Variants in SRI observed in about 807,000 individuals in gnomAD.
SRI encodes sorcin, also known as 22 kDa protein.
SRI carries 30 observed loss-of-function variants against 33.3 expected under a neutral mutation model. The observed-to-expected ratio is 0.90, with a 90% CI of 0.67 to 1.22. The LOEUF (loss-of-function observed/expected upper bound fraction) is 1.22. Ranked by LOEUF, SRI falls within the 50% of genes most tolerant of loss-of-function variation. SRI has a pLI of 0.00. For missense variants in SRI, 243 were observed against 250.8 expected (o/e 0.97, Z 0.21); for synonymous variants, 75 against 89.9 (o/e 0.83, Z 0.94).
chr7:88,211,319 G>T (rs907118771), intron 3 of SRI, among the ~76,000 whole-genome samples: 4 of 152,138 alleles, frequency 2.6e-5, no homozygotes, highest in Non-Finnish European at 5.9e-5. Flanking sequence ...GCCAGGCCTG[G>T]TGGCACACAC....
chr7:88,210,157 G>A (rs999343076), intron 4 of SRI, 27 bp from the exon 5 acceptor site: 2 of 1,613,162 alleles, frequency 1.2e-6, no homozygotes. Context: ...GATTAGAGCT[G>A]TATTTTGCGA....
chr7:88,210,001 T>G lies in SRI; in HGVS notation c.379A>C (p.Lys127Gln). The part of the protein sequence containing the change: ...SGTVDPQELQ[K>Q]ALTTMGFRLS... ...TACCTACCCATTGTTGTCAGGGCCT[T>G]CTGCAATTCTTGTGGGTCTACTGTT... The change falls in exon 5 of 8, where the codon AAG becomes CAG. Residue 127 changes from lysine to glutamine, a missense_variant. Transcript: ENST00000265729. 2.5e-6 allele frequency: 4 copies of G among 1,614,188 alleles called. No individual in the cohort carries two copies. Among genetic ancestry groups the G allele is most frequent in the Non-Finnish European group, 3.4e-6 (4 of 1,180,032 alleles).
intron 1 of SRI, 106 bp downstream of exon 1, chr7:88,219,870 G>A: frequency 1.4e-6 from 2 of 1,385,826 alleles, no homozygotes; most frequent in Non-Finnish European, 1.9e-6. Context: ...AAGGAGCCCG[G>A]GTAGCCGCCC....
At chr7:88,213,737 T>C (rs1428409200) in intron 3 of SRI, among the ~76,000 whole-genome samples, 1 of 152,238 alleles carries the variant, frequency 6.6e-6, no homozygotes, top group East Asian at 1.9e-4. Context: ...CGCAGGAAGC[T>C]GTAGAGCCCT....
intron 4 of SRI, 165 bp downstream of exon 4, chr7:88,210,717 T>C (rs1851555584): frequency 6.3e-6 from 4 of 630,436 alleles, no homozygotes; most frequent in South Asian, 4.2e-5. Flanking sequence ...ATTTCTTTTC[T>C]TCCTTTATTC....
intron 1 of SRI, among the ~76,000 whole-genome samples, chr7:88,226,293 T>C (rs1468748378): frequency 6.6e-6 from 1 of 152,196 alleles, no homozygotes; most frequent in African/African-American, 2.4e-5. Context: ...AGAGAAGCAG[T>C]CCTGGAGCCG....
At chr7:88,219,951 G>A in intron 1 of SRI, 25 bp downstream of exon 1, 2 of 1,538,284 alleles carry the variant, frequency 1.3e-6, no homozygotes, top group East Asian at 2.5e-5. Context: ...CGCCTGGGCC[G>A]CGATCCCGCG....
At chr7:88,220,795 C>A (rs1255073087), upstream of SRI, among the ~76,000 whole-genome samples, 1 of 152,160 alleles carries the variant, frequency 6.6e-6, no homozygotes, top group Admixed American at 6.5e-5. Flanking sequence ...CAAAACAATC[C>A]ATTTCCCTAA....
At chr7:88,216,108 G>T (rs1015339734) in intron 3 of SRI, among the ~76,000 whole-genome samples, 1 of 152,160 alleles carries the variant, frequency 6.6e-6, no homozygotes, top group Non-Finnish European at 1.5e-5. Flanking sequence ...CTCCTGAGTA[G>T]CTGGGACCAC....
At chr7:88,223,852 C>G (rs1458476131), upstream of SRI, among the ~76,000 whole-genome samples, 1 of 151,960 alleles carries the variant, frequency 6.6e-6, no homozygotes, top group Non-Finnish European at 1.5e-5. Flanking sequence ...GATTTGCTGA[C>G]TGTAAGATAA....
rs747574270 is a variant in SRI, at chr7:88,214,711, AATT to A, written c.205+2408_205+2410del. 4.5e-4 allele frequency: 163 copies of A among 363,642 alleles called. 3 individuals carry two copies. The highest frequency in any genetic ancestry group is 3.2e-4 in the Admixed American group (5 of 15,586). 22.5% of individuals were successfully genotyped at this position (363,642 alleles called of 1,614,324 possible). A position where few individuals can be genotyped will look rare whatever the true frequency, so the allele number is the denominator to read the frequency against. ...AATTATAACTATAAATTATAATTAA[AATT>A]ATTAATTCAACATTTTGAAATTATT... On this transcript the variant is annotated intron_variant, in intron 3 of 7. Coordinates refer to ENST00000265729, the MANE Select transcript of SRI (RefSeq NM_003130.4).
At chr7:88,225,159 G>A (rs532481144) in intron 1 of SRI, among the ~76,000 whole-genome samples, 2 of 152,294 alleles carry the variant, frequency 1.3e-5, no homozygotes, top group South Asian at 4.1e-4. Flanking sequence ...CTACAGAATA[G>A]ATTCTCACTG....
At chr7:88,223,414 C>T (rs1372456863), upstream of SRI, among the ~76,000 whole-genome samples, 1 of 152,146 alleles carries the variant, frequency 6.6e-6, no homozygotes, top group Non-Finnish European at 1.5e-5. Context: ...GTGCTCTACA[C>T]CCAGGGGCAG....
At chr7:88,222,514 C>T (rs576536620), upstream of SRI, among the ~76,000 whole-genome samples, 14 of 151,544 alleles carry the variant, frequency 9.2e-5, no homozygotes, top group East Asian at 3.9e-4. Flanking sequence ...TCATGTCCTT[C>T]GCCCACTTTT....
At chr7:88,212,711 A>G (rs1851608467) in intron 3 of SRI, among the ~76,000 whole-genome samples, 1 of 152,126 alleles carries the variant, frequency 6.6e-6, no homozygotes, top group African/African-American at 2.4e-5. Flanking sequence ...ATTTTAGCAG[A>G]TGTGCAGGTG....
chr7:88,226,109 C>T (rs1322066736), intron 1 of SRI, among the ~76,000 whole-genome samples: 1 of 152,112 alleles, frequency 6.6e-6, no homozygotes, highest in Admixed American at 6.5e-5. Flanking sequence ...GTGTTCAGCA[C>T]CAGTGTTCTC....
At position 88,206,160 on chromosome 7, in the gene SRI, C is replaced by A; in HGVS notation, c.*318G>T. 2.7e-6 allele frequency: 1 copy of A among 372,154 alleles called. No homozygotes were observed. Among genetic ancestry groups the A allele is most frequent in the Non-Finnish European group, 5.0e-6 (1 of 199,336 alleles). The allele number at this position is 372,154 out of a possible 1,614,324, so 23.1% of individuals were successfully genotyped here. Reference sequence around the variant, plus strand: ...CTGATTAACAGTTTTTAGTGTCTCACAATGAAAAATAAATAATGTGACTTA... The same window carrying A: ...CTGATTAACAGTTTTTAGTGTCTCAAAATGAAAAATAAATAATGTGACTTA... On this transcript the variant is annotated 3_prime_UTR_variant, in exon 8 of 8. Transcript: ENST00000265729.
intron 6 of SRI, chr7:88,208,930 TAA>T: frequency 3.4e-6 from 1 of 298,032 alleles, no homozygotes; most frequent in African/African-American, 2.2e-5. Flanking sequence ...AAGAAACAGA[TAA>T]AGAGTCCCCA....
chr7:88,216,315 G>A (rs550110811), intron 3 of SRI, among the ~76,000 whole-genome samples: 1 of 152,252 alleles, frequency 6.6e-6, no homozygotes, highest in East Asian at 1.9e-4. Context: ...ATTACTCTCA[G>A]CTCATGGCAG....
Sources: allele counts gnomAD v4.1 joint callset (sites outside exome capture counted in the v4.1 genomes callset), GRCh38; gene constraint gnomAD v4.1.1; transcripts MANE v1.5; gene names NCBI Gene and HGNC (gene_info 2026-07-23, HGNC 2026-07-21).